The following CDCA7L variants were observed in gnomAD, a reference collection of about 807,000 sequenced individuals.
CDCA7L encodes cell division cycle associated 7 like.
Under a neutral mutation model 57.4 loss-of-function variants are expected in CDCA7L, and 44 were observed. The ratio of observed to expected loss-of-function variants is 0.77; its 90% CI spans 0.60 to 0.98. The LOEUF (loss-of-function observed/expected upper bound fraction) is 0.98, where lower values mean the gene tolerates loss of function less well. Among genes scored for constraint, CDCA7L ranks in the 50% least tolerant of loss-of-function variants. CDCA7L has a pLI of 0.00. For synonymous variants in CDCA7L, 236 were observed against 202.8 expected, an observed-to-expected ratio of 1.16 and a Z score of -1.39; for missense variants, 644 against 580.6, an observed-to-expected ratio of 1.11 and a Z score of -1.12.
chr7:21,936,695 A>C (rs1786176297), intron 1 of CDCA7L, among the ~76,000 whole-genome samples: 1 of 152,154 alleles, frequency 6.6e-6, no homozygotes, highest in African/African-American at 2.4e-5. Context: ...AAAAACCCGC[A>C]ACTAACAAGA....
chr7:21,923,494 C>G (rs912479167), intron 1 of CDCA7L, among the ~76,000 whole-genome samples: 7 of 151,914 alleles, frequency 4.6e-5, no homozygotes, highest in Non-Finnish European at 5.9e-5. Context: ...GACCCTGTCT[C>G]TAAAAGAGAA....
intron 2 of CDCA7L, among the ~76,000 whole-genome samples, chr7:21,916,472 G>T (rs1583856120): frequency 7.2e-6 from 1 of 139,592 alleles, no homozygotes; most frequent in Admixed American, 7.6e-5. Flanking sequence ...CAGCCCCAAG[G>T]CAGCCAAGAA....
At chr7:21,921,359 CTG>C (rs1413427025) in intron 1 of CDCA7L, among the ~76,000 whole-genome samples, 1 of 48,910 alleles carries the variant, frequency 2.0e-5, no homozygotes, top group Non-Finnish European at 4.8e-5. Context: ...AAAAAAAAAA[CTG>C]TAAAATATTC....
rs1554294368 is a variant in CDCA7L, at chr7:21,900,945, CT to C, written c.*1376del. 1 of 1,086,414 alleles carries C rather than the reference CT, an allele frequency of 9.2e-7. No individual in the cohort carries two copies. Among genetic ancestry groups the C allele is most frequent in the Non-Finnish European group, 1.3e-6 (1 of 780,618 alleles). 67.3% of individuals were successfully genotyped at this position (1,086,414 alleles called of 1,614,324 possible). A position where few individuals can be genotyped will look rare whatever the true frequency, so the allele number is the denominator to read the frequency against. On this transcript the variant is annotated 3_prime_UTR_variant, in exon 10 of 10. Transcript: ENST00000406877. ...AATGTTTATTGCATCAAACAACTTACTTGATCATTATCATTAGTAGCAAGCT... is the reference window on the plus strand; with the variant it reads ...AATGTTTATTGCATCAAACAACTTACTGATCATTATCATTAGTAGCAAGCT...
chr7:21,903,206 TCCTCCAA>T, intron 8 of CDCA7L, 92 bp from the exon 9 acceptor site: 1 of 1,233,362 alleles, frequency 8.1e-7, no homozygotes. Flanking sequence ...AGCTGGCCTC[TCCTCCAA>T]CCTTTAATCA....
Position 21,904,188 on chromosome 7 carries a change from A to G in CDCA7L, c.1119T>C (p.Cys373=). The G allele has an allele frequency of 1.2e-6, 2 of 1,613,828 alleles. No homozygotes were observed. The highest frequency in any genetic ancestry group is 1.7e-6 in the Non-Finnish European group (2 of 1,179,874). ...TKTVCRNQGC[C]GVRGQFCGPC... Reference sequence around the variant, plus strand: ...GTCCACAGAACTGTCCTCGCACACCACAGCAACCCTGGTTCCGACACACTG... The same window carrying G: ...GTCCACAGAACTGTCCTCGCACACCGCAGCAACCCTGGTTCCGACACACTG... Residue 373 remains cysteine, a synonymous_variant, in exon 8 of 10, where the codon TGT becomes TGC. Coordinates refer to ENST00000406877, the MANE Select transcript of CDCA7L (RefSeq NM_018719.5).
At chr7:21,909,963 G>T (rs1785263802) in intron 3 of CDCA7L, among the ~76,000 whole-genome samples, 1 of 152,182 alleles carries the variant, frequency 6.6e-6, no homozygotes, top group South Asian at 2.1e-4. Flanking sequence ...TTCCCACAGG[G>T]GTGGGCAGGA....
At chr7:21,907,551 G>C (rs189945122) in intron 4 of CDCA7L, among the ~76,000 whole-genome samples, 18 of 152,274 alleles carry the variant, frequency 1.2e-4, no homozygotes, top group African/African-American at 4.3e-4. Context: ...ATTATATACA[G>C]AAAAACCAAA....
At chr7:21,903,261 A>C in intron 8 of CDCA7L, 147 bp from the exon 9 acceptor site, 1 of 698,138 alleles carries the variant, frequency 1.4e-6, no homozygotes, top group Non-Finnish European at 2.3e-6. Context: ...GGGGCTCCTC[A>C]CAAGGCAGGA....
In CDCA7L at chr7:21,916,790, G is replaced by A. The variant is rs200312608; in HGVS notation, c.129C>T (p.Ser43=). Residue 43 remains serine (S), a synonymous_variant, in exon 2 of 10, where the codon AGC becomes AGT. Transcript: ENST00000406877. ...VPMETLSSEE[S]CDSFDSLESG... ...ACTCTAGTGAGTCAAAACTATCGCAGCTCTCCTCTGACGAGAGGGTTTCCA... is the reference window on the plus strand; with the variant it reads ...ACTCTAGTGAGTCAAAACTATCGCAACTCTCCTCTGACGAGAGGGTTTCCA... The A allele has an allele frequency of 9.5e-5, 154 of 1,613,816 alleles. No homozygotes were observed. The highest frequency in any genetic ancestry group is 1.2e-4 in the Non-Finnish European group (145 of 1,179,918).
At chr7:21,915,658 A>AAAC (rs1554296504) in intron 2 of CDCA7L, among the ~76,000 whole-genome samples, 789 of 73,484 alleles carry the variant, frequency 0.011, 16 homozygotes, top group African/African-American at 0.018. Flanking sequence ...AAAAAAAAAA[A>AAAC]ACACACACAC....
At position 21,923,668 on chromosome 7, in the gene CDCA7L, T is replaced by G. The variant is rs371015602; in HGVS notation, c.25-6774A>C. On this transcript the variant is annotated intron_variant, in intron 1 of 9. Transcript: ENST00000406877. ...CCCAACTCTCTCACCTAAGGGAGGTTCAGATACATCATTGTAGGTGCCAAG... is the reference window on the plus strand; with the variant it reads ...CCCAACTCTCTCACCTAAGGGAGGTGCAGATACATCATTGTAGGTGCCAAG... Among the ~76,000 whole-genome samples, 70 of 152,280 alleles carry G rather than the reference T, an allele frequency of 4.6e-4. 3 individuals carry two copies. In the South Asian group the frequency reaches 0.014, roughly 30 times the overall value.
rs769958757 is a variant in CDCA7L at position 21,906,542 on chromosome 7, G to C, written c.753+26C>G. 1.9e-6 allele frequency: 3 copies of C among 1,612,450 alleles called. No individual in the cohort carries two copies. In the African/African-American group the frequency reaches 4.0e-5, roughly 22 times the overall value. ...GGCTGATCACCATATATCAGTATTG[G>C]TATAATTATAAGGAGTTCTACTTAC... On this transcript the variant is annotated intron_variant, in intron 5 of 9. Transcript: ENST00000406877.
chr7:21,911,390 C>T (rs767270259), intron 3 of CDCA7L, among the ~76,000 whole-genome samples: 1 of 152,188 alleles, frequency 6.6e-6, no homozygotes, highest in South Asian at 2.1e-4. Flanking sequence ...CAAAAACCCC[C>T]TAAGGCACGA....
chr7:21,902,505 AT>A, intron 9 of CDCA7L, 153 bp from the exon 10 acceptor site: 1 of 732,946 alleles, frequency 1.4e-6, no homozygotes. Flanking sequence ...CAATATCCGT[AT>A]ACCCTCTGGT....
chr7:21,930,296 T>G (rs1434389740), intron 1 of CDCA7L, among the ~76,000 whole-genome samples: 1 of 152,030 alleles, frequency 6.6e-6, no homozygotes. Flanking sequence ...TACCAGAATC[T>G]CTGGGACACA....
intron 9 of CDCA7L, 91 bp downstream of exon 9, chr7:21,902,887 A>G: frequency 3.2e-6 from 4 of 1,230,792 alleles, no homozygotes; most frequent in Non-Finnish European, 4.6e-6. Flanking sequence ...AGTAAGTCAC[A>G]CGGGAAGGCA....
intron 1 of CDCA7L, among the ~76,000 whole-genome samples, chr7:21,922,401 G>A (rs1785679298): frequency 6.6e-6 from 1 of 152,172 alleles, no homozygotes; most frequent in Admixed American, 6.5e-5. Context: ...TATCAGGGAA[G>A]GCAGGCCACT....
At chr7:21,915,196 G>A (rs768093678) in intron 2 of CDCA7L, among the ~76,000 whole-genome samples, 1 of 152,114 alleles carries the variant, frequency 6.6e-6, no homozygotes, top group African/African-American at 2.4e-5. Context: ...CTGGACGGGA[G>A]TCAAGGAGAT....
Sources: allele counts gnomAD v4.1 joint callset (sites outside exome capture counted in the v4.1 genomes callset), GRCh38; gene constraint gnomAD v4.1.1; transcripts MANE v1.5; gene names NCBI Gene and HGNC (gene_info 2026-07-23, HGNC 2026-07-21).